CD8B: variants seen among roughly 807,000 people sequenced by gnomAD.
CD8B encodes the protein T-cell surface glycoprotein CD8 beta chain.
In CD8B, 6 loss-of-function variants were observed where a neutral mutation model predicts 24.2. The observed-to-expected ratio is 0.25, with a 90% CI of 0.14 to 0.49. CD8B has a LOEUF of 0.49. CD8B is among the 20% of genes least tolerant of loss of function. The pLI is 0.98. For synonymous variants in CD8B, 84 were observed against 108.3 expected (o/e 0.78, Z 1.39); for missense variants, 196 against 271.3 (o/e 0.72, Z 1.95).
intron 3 of CD8B, 82 bp downstream of exon 3, chr2:86,852,915 C>T (rs1676045593): frequency 3.8e-5 from 46 of 1,209,230 alleles, no homozygotes; most frequent in Non-Finnish European, 5.0e-5. Context: ...TGGAAAGTGC[C>T]TGGGGAAGGA....
At chr2:86,831,348 T>G (rs184839184) in intron 5 of CD8B, among the ~76,000 whole-genome samples, 1 of 152,370 alleles carries the variant, frequency 6.6e-6, no homozygotes, top group East Asian at 1.9e-4. Context: ...ATTACAGGCA[T>G]GAGCCACCAT....
intron 5 of CD8B, chr2:86,844,508 T>C: frequency 1.7e-6 from 1 of 597,734 alleles, no homozygotes; most frequent in Non-Finnish European, 2.6e-6. Context: ...CGGTATTCTG[T>C]GCATGCAAAG....
At chr2:86,853,870 G>A (rs1391835793) in intron 2 of CD8B, among the ~76,000 whole-genome samples, 1 of 151,594 alleles carries the variant, frequency 6.6e-6, no homozygotes, top group South Asian at 2.1e-4. Context: ...TGCATTCGTC[G>A]TGCCACTGCA....
At chr2:86,819,176 T>A (rs931199840) in intron 5 of CD8B, among the ~76,000 whole-genome samples, 35 of 152,188 alleles carry the variant, frequency 2.3e-4, no homozygotes, top group Non-Finnish European at 7.3e-5. Context: ...CTCCTTAACA[T>A]CAAAATGCAA....
intron 5 of CD8B, among the ~76,000 whole-genome samples, chr2:86,822,697 C>T (rs942074985): frequency 1.3e-5 from 2 of 152,170 alleles, no homozygotes; most frequent in Non-Finnish European, 2.9e-5. Context: ...TGTATTACTG[C>T]AGTTATATCA....
intron 1 of CD8B, among the ~76,000 whole-genome samples, chr2:86,860,113 T>C (rs1470676563): frequency 5.3e-5 from 8 of 152,070 alleles, no homozygotes; most frequent in African/African-American, 1.7e-4. Flanking sequence ...CTACTAAGAA[T>C]ACAAAAATTA....
chr2:86,850,035 G>A (rs1171787412), intron 3 of CD8B, among the ~76,000 whole-genome samples: 2 of 152,090 alleles, frequency 1.3e-5, no homozygotes, highest in Non-Finnish European at 2.9e-5. Flanking sequence ...TAATGGAGGT[G>A]GGTGCAGGTC....
At chr2:86,830,456 A>G (rs1674863396) in intron 5 of CD8B, among the ~76,000 whole-genome samples, 1 of 152,000 alleles carries the variant, frequency 6.6e-6, no homozygotes, top group Non-Finnish European at 1.5e-5. Context: ...AATCCCAGCT[A>G]CTTGGGAGGC....
intron 1 of CD8B, among the ~76,000 whole-genome samples, chr2:86,860,148 T>C (rs1676495185): frequency 6.6e-6 from 1 of 152,264 alleles, no homozygotes; most frequent in Non-Finnish European, 1.5e-5. Context: ...CGCGTGCCTC[T>C]AATCCCAGCT....
chr2:86,833,501 C>T (rs1675015948), downstream of CD8B, among the ~76,000 whole-genome samples: 1 of 138,996 alleles, frequency 7.2e-6, no homozygotes, highest in Non-Finnish European at 1.6e-5. Context: ...CTCCTCCCCT[C>T]CCCTCCGCTC....
At chr2:86,825,057 G>T (rs560679067) in intron 5 of CD8B, among the ~76,000 whole-genome samples, 1 of 152,290 alleles carries the variant, frequency 6.6e-6, no homozygotes, top group South Asian at 2.1e-4. Context: ...AATTTATATG[G>T]GCCCTGGAGT....
At chr2:86,828,337 T>TGC (rs1179674998) in intron 5 of CD8B, among the ~76,000 whole-genome samples, 10 of 151,648 alleles carry the variant, frequency 6.6e-5, no homozygotes, top group South Asian at 2.1e-4. Context: ...TGTGTGTGTG[T>TGC]GCGTGTCTGG....
intron 5 of CD8B, chr2:86,822,390 T>C (rs1443166158): frequency 6.6e-7 from 1 of 1,515,698 alleles, no homozygotes. Context: ...CACAATAGAG[T>C]ATGAACAGAG....
chr2:86,815,642 G>A lies in CD8B; in HGVS notation c.697C>T (p.Gln233Ter). 1.2e-6 allele frequency: 2 copies of A among 1,613,284 alleles called. No homozygotes were observed. Among genetic ancestry groups the A allele is most frequent in the Non-Finnish European group, 1.7e-6 (2 of 1,179,194 alleles). Residue 233 changes from glutamine (Q) to a stop codon, truncating the protein, a stop_gained, in exon 6 of 6, where the codon CAG (glutamine) becomes TAG (stop). Transcript: ENST00000331469. LOFTEE classifies it low-confidence loss of function (END_TRUNC). ...AGGATCCATGGGTTAAGCAGCTTCT[G>A]TGAGGTTGTAGTATTGCTGTAGTAT...
chr2:86,848,731 T>TATTTATTTATTTA (rs1553436940), intron 3 of CD8B, among the ~76,000 whole-genome samples: 10 of 131,768 alleles, frequency 7.6e-5, no homozygotes, highest in African/African-American at 1.6e-4. Context: ...TTTATTTATT[T>TATTTATTTATTTA]TTGAGACGGA....
At chr2:86,830,607 A>C (rs553161174) in intron 5 of CD8B, among the ~76,000 whole-genome samples, 1 of 152,148 alleles carries the variant, frequency 6.6e-6, no homozygotes, top group Admixed American at 6.5e-5. Context: ...CATAACCAAT[A>C]ATATCATGAA....
intron 5 of CD8B, chr2:86,843,661 G>C (rs1293164757): frequency 2.0e-6 from 2 of 985,072 alleles, no homozygotes; most frequent in African/African-American, 3.5e-5. Flanking sequence ...CATTTTGTTT[G>C]TCCATTGCTG....
chr2:86,827,991 G>A (rs1051031858), intron 5 of CD8B, among the ~76,000 whole-genome samples: 1 of 152,156 alleles, frequency 6.6e-6, no homozygotes, highest in African/African-American at 2.4e-5. Flanking sequence ...AGGTATCAGT[G>A]GGTGGTCTAC....
At chr2:86,828,126 A>G (rs6749703) in intron 5 of CD8B, among the ~76,000 whole-genome samples, 40,454 of 152,122 alleles carry the variant, frequency 0.27, 5,778 homozygotes, top group Non-Finnish European at 0.33. Context: ...GTTAATTGAC[A>G]TAATGCAGGT....
Sources: allele counts gnomAD v4.1 joint callset (sites outside exome capture counted in the v4.1 genomes callset), GRCh38; gene constraint gnomAD v4.1.1; transcripts MANE v1.5; gene names NCBI Gene and HGNC (gene_info 2026-07-23, HGNC 2026-07-21).